The following GRID2 variants were observed in gnomAD, a reference collection of about 807,000 sequenced individuals.
GRID2 encodes the protein glutamate receptor ionotropic, delta-2.
A neutral mutation model predicts 114.8 loss-of-function variants in GRID2; 33 were observed. The observed-to-expected ratio is 0.29, with a 90% CI of 0.22 to 0.38. The LOEUF (loss-of-function observed/expected upper bound fraction) is 0.38. GRID2 is among the 10% of genes least tolerant of loss of function. The probability of loss-of-function intolerance (pLI) is 1.00; values close to 1 mark genes in which losing one functional copy is unlikely to be tolerated. For missense variants in GRID2, 1,184 were observed against 1,257.7 expected (o/e 0.94, Z 0.89); for synonymous variants, 505 against 449.9 (o/e 1.12, Z -1.55).
downstream of GRID2, among the ~76,000 whole-genome samples, chr4:93,776,360 T>C (rs1734369617): frequency 6.6e-6 from 1 of 152,222 alleles, no homozygotes; most frequent in Admixed American, 6.5e-5. Flanking sequence ...CTTCCCTAGG[T>C]AGAAATTACT....
At chr4:92,713,631 C>T (rs2149312007) in intron 2 of GRID2, among the ~76,000 whole-genome samples, 1 of 151,180 alleles carries the variant, frequency 6.6e-6, no homozygotes, top group African/African-American at 2.4e-5. Context: ...GTTTAATGGA[C>T]CTACAGCTCC....
intron 13 of GRID2, among the ~76,000 whole-genome samples, chr4:93,620,890 G>C (rs530204582): frequency 1.6e-4 from 24 of 152,200 alleles, no homozygotes; most frequent in African/African-American, 5.5e-4. Flanking sequence ...GAATATTTGA[G>C]ACTTGTCCTG....
intron 14 of GRID2, among the ~76,000 whole-genome samples, chr4:93,754,914 T>G (rs1196792379): frequency 2.0e-5 from 3 of 152,224 alleles, no homozygotes; most frequent in Non-Finnish European, 4.4e-5. Flanking sequence ...GACCAGCCTC[T>G]TGGTCCCTCT....
At chr4:92,719,316 T>C (rs1735701254) in intron 2 of GRID2, among the ~76,000 whole-genome samples, 1 of 152,138 alleles carries the variant, frequency 6.6e-6, no homozygotes, top group African/African-American at 2.4e-5. Context: ...GGACTACTTA[T>C]GAAGTTATAA....
intron 8 of GRID2, among the ~76,000 whole-genome samples, chr4:93,303,158 G>C (rs970427589): frequency 6.6e-6 from 1 of 152,128 alleles, no homozygotes; most frequent in Non-Finnish European, 1.5e-5. Context: ...CCACTATCAT[G>C]AGAACAGCAA....
Position 92,565,210 on chromosome 4 carries a change from T to A in GRID2, c.89-24921T>A, listed in dbSNP as rs188328069. The stretch of plus-strand genomic sequence containing the variant: ...TTTGATAATATGTTGTATTAAAAAA[T>A]TATTAGTTTTATAGTGATCAATCAA... On this transcript the variant is annotated intron_variant, in intron 1 of 15. Transcript: ENST00000282020. Among the ~76,000 whole-genome samples the A allele has an allele frequency of 2.0e-4, 31 of 152,118 alleles. 3 individuals carry two copies. In the East Asian group the frequency reaches 6.0e-3, roughly 29 times the overall value.
chr4:93,544,581 C>A (rs2149532272), intron 13 of GRID2, among the ~76,000 whole-genome samples: 1 of 151,804 alleles, frequency 6.6e-6, no homozygotes, highest in Non-Finnish European at 1.5e-5. Context: ...AGTTCGAGAC[C>A]AGCCTGACCA....
intron 8 of GRID2, among the ~76,000 whole-genome samples, chr4:93,266,170 A>G (rs1750806569): frequency 6.6e-6 from 1 of 152,190 alleles, no homozygotes; most frequent in African/African-American, 2.4e-5. Flanking sequence ...CCATGAGAGA[A>G]GTACATGTAC....
chr4:93,537,914 C>T (rs1012971484), intron 13 of GRID2, among the ~76,000 whole-genome samples: 2 of 151,646 alleles, frequency 1.3e-5, no homozygotes, highest in African/African-American at 4.8e-5. Context: ...CTCCATAATG[C>T]AGTTACTAAA....
chr4:92,932,300 T>C (rs1750302210), intron 2 of GRID2, among the ~76,000 whole-genome samples: 2 of 151,322 alleles, frequency 1.3e-5, no homozygotes, highest in Non-Finnish European at 3.0e-5. Context: ...TCAATGCTAA[T>C]ATCATTAGAC....
intron 14 of GRID2, among the ~76,000 whole-genome samples, chr4:93,748,467 T>C (rs1407542141): frequency 4.6e-5 from 7 of 152,212 alleles, no homozygotes; most frequent in Non-Finnish European, 8.8e-5. Context: ...CCTCTCTGCA[T>C]CACTCAGACG....
chr4:93,379,926 C>T (rs1763698804), intron 8 of GRID2, among the ~76,000 whole-genome samples: 1 of 151,968 alleles, frequency 6.6e-6, no homozygotes, highest in African/African-American at 2.4e-5. Context: ...ACCCATTTCC[C>T]CAAATAGATA....
chr4:93,024,420 T>G (rs1294086090), intron 2 of GRID2, among the ~76,000 whole-genome samples: 1 of 151,776 alleles, frequency 6.6e-6, no homozygotes, highest in African/African-American at 2.4e-5. Context: ...AAATTTCAAT[T>G]TACTTAGCTG....
In GRID2 at chr4:92,803,535, A is replaced by G. The variant is rs182621312; in HGVS notation, c.244+213249A>G. Reference sequence around the variant, plus strand: ...CCCATATGTCATTATAAAAAAATGTATTTCTAGAAATTCAGGTACCCCATC... The same window carrying G: ...CCCATATGTCATTATAAAAAAATGTGTTTCTAGAAATTCAGGTACCCCATC... On this transcript the variant is annotated intron_variant, in intron 2 of 15. Transcript: ENST00000282020. Among the ~76,000 whole-genome samples the G allele has an allele frequency of 1.1e-3, 164 of 152,048 alleles. 1 individual carries two copies. The highest frequency in any genetic ancestry group is 4.6e-3 in the South Asian group (22 of 4,828).
At chr4:92,752,020 G>A (rs1409899278) in intron 2 of GRID2, among the ~76,000 whole-genome samples, 3 of 152,262 alleles carry the variant, frequency 2.0e-5, no homozygotes, top group East Asian at 1.9e-4. Context: ...TCTGTCTCAG[G>A]CAGTTGTATG....
chr4:93,688,897 T>C (rs761385808), intron 14 of GRID2, among the ~76,000 whole-genome samples: 15 of 152,044 alleles, frequency 9.9e-5, no homozygotes, highest in Non-Finnish European at 2.2e-4. Flanking sequence ...CATTACTTGT[T>C]ACAGGCAAAA....
At chr4:93,121,710 T>C (rs1733796447) in intron 4 of GRID2, among the ~76,000 whole-genome samples, 1 of 152,200 alleles carries the variant, frequency 6.6e-6, no homozygotes, top group South Asian at 2.1e-4. Flanking sequence ...TAATGCTAGC[T>C]GATGCTGCCA....
intron 7 of GRID2, among the ~76,000 whole-genome samples, chr4:93,227,512 C>T (rs1055152935): frequency 6.6e-6 from 1 of 152,182 alleles, no homozygotes; most frequent in Non-Finnish European, 1.5e-5. Context: ...CAGGTGTGAG[C>T]CACCATGCCT....
At chr4:92,383,600 G>A (rs1729723193) in intron 1 of GRID2, among the ~76,000 whole-genome samples, 1 of 151,844 alleles carries the variant, frequency 6.6e-6, no homozygotes, top group African/African-American at 2.4e-5. Flanking sequence ...AAATAACATA[G>A]TATGTTTTCG....
Sources: allele counts gnomAD v4.1 joint callset (sites outside exome capture counted in the v4.1 genomes callset), GRCh38; gene constraint gnomAD v4.1.1; transcripts MANE v1.5; gene names NCBI Gene and HGNC (gene_info 2026-07-23, HGNC 2026-07-21).